Variants in PPP2R1B observed in about 807,000 individuals in gnomAD.
PPP2R1B encodes the protein serine/threonine-protein phosphatase 2A 65 kDa regulatory subunit A beta isoform.
A neutral mutation model predicts 72.7 loss-of-function variants in PPP2R1B; 58 were observed. The ratio of observed to expected loss-of-function variants is 0.80; its 90% confidence interval spans 0.65 to 0.99. The LOEUF (loss-of-function observed/expected upper bound fraction) is 0.99, where lower values mean the gene tolerates loss of function less well. PPP2R1B is among the 50% of genes least tolerant of loss of function. The probability of loss-of-function intolerance (pLI) is 0.00; values close to 1 mark genes in which losing one functional copy is unlikely to be tolerated. For missense variants in PPP2R1B, 695 were observed against 733.6 expected, an observed-to-expected ratio of 0.95 and a Z score of 0.61; for synonymous variants, 256 against 264.6, an observed-to-expected ratio of 0.97 and a Z score of 0.32.
At chr11:111,756,393 A>C (rs976212125) in intron 5 of PPP2R1B, among the ~76,000 whole-genome samples, 3 of 152,254 alleles carry the variant, frequency 2.0e-5, no homozygotes, top group Admixed American at 6.5e-5. Context: ...AAAGAAAAAA[A>C]AAACATTTTA....
chr11:111,747,495 T>C (rs992941103), intron 11 of PPP2R1B, among the ~76,000 whole-genome samples: 3 of 152,196 alleles, frequency 2.0e-5, no homozygotes, highest in Non-Finnish European at 2.9e-5. Context: ...TTCCCACACC[T>C]AAGAATCCTC....
rs919351159 is a variant in PPP2R1B at position 111,741,135 on chromosome 11, C to T, written c.*461G>A. 1.1e-4 allele frequency: 113 copies of T among 988,534 alleles called. No individual in the cohort carries two copies. The highest frequency in any genetic ancestry group is 1.6e-4 in the African/African-American group (9 of 57,250). The allele number at this position is 988,534 out of a possible 1,614,324, so 61.2% of individuals were successfully genotyped here. On this transcript the variant is annotated 3_prime_UTR_variant, in exon 15 of 15. Coordinates refer to ENST00000527614, the MANE Select transcript of PPP2R1B (RefSeq NM_002716.5). ...TACGGTCAAATCTCAACATGTCTCC[C>T]GAAGAGTTTATAAAATAAGTTATTC...
the PPP2R1B span, chr11:111,703,276 G>A: frequency 2.5e-6 from 4 of 1,614,186 alleles, no homozygotes; most frequent in South Asian, 3.3e-5. Context: ...AAATCAAGGA[G>A]CATAAATGGA....
chr11:111,737,995 G>A lies in PPP2R1B; in HGVS notation c.*3601C>T, dbSNP rs1030837367. The stretch of plus-strand genomic sequence containing the variant: ...CGGAAGATTTCCATCCCAACTGAAC[G>A]TTATGTAATTTCCTGGAAACAGCAG... On this transcript the variant is annotated 3_prime_UTR_variant, in exon 15 of 15. Coordinates refer to ENST00000527614, the MANE Select transcript of PPP2R1B (RefSeq NM_002716.5). 7.9e-6 allele frequency: 8 copies of A among 1,010,862 alleles called. No individual in the cohort carries two copies. Among genetic ancestry groups the A allele is most frequent in the African/African-American group, 6.8e-5 (4 of 58,560 alleles). 62.6% of individuals were successfully genotyped at this position (1,010,862 alleles called of 1,614,324 possible).
At chr11:111,755,133 A>G (rs1555049208) in intron 6 of PPP2R1B, 39 bp from the exon 7 acceptor site, 2 of 1,561,088 alleles carry the variant, frequency 1.3e-6, no homozygotes, top group South Asian at 2.3e-5. Context: ...GTATACTAAC[A>G]AAAGAATTAA....
downstream of PPP2R1B, chr11:111,723,896 G>A (rs374141003): frequency 1.9e-6 from 3 of 1,613,302 alleles, no homozygotes; most frequent in Middle Eastern, 1.6e-4. Flanking sequence ...TCAGACTTGT[G>A]AGCTGCCAAG....
the PPP2R1B span, among the ~76,000 whole-genome samples, chr11:111,715,251 A>G: frequency 1.3e-5 from 2 of 152,320 alleles, no homozygotes; most frequent in Non-Finnish European, 2.9e-5. Context: ...ATGTCAGCAA[A>G]AACGCTTGTC....
downstream of PPP2R1B, among the ~76,000 whole-genome samples, chr11:111,733,087 T>C (rs957132973): frequency 6.6e-6 from 1 of 152,232 alleles, no homozygotes; most frequent in Admixed American, 6.5e-5. Context: ...CCCCCAGGTA[T>C]GAAGCTGTGC....
At chr11:111,723,385 T>C, downstream of PPP2R1B, 5 of 1,204,750 alleles carry the variant, frequency 4.2e-6, no homozygotes, top group Non-Finnish European at 5.8e-6. Context: ...TTTGCTGACA[T>C]GAGAGAGACT....
chr11:111,743,536 G>A lies in PPP2R1B; in HGVS notation c.1400-6C>T. 6.2e-7 allele frequency: 1 copy of A among 1,600,140 alleles called. No individual in the cohort carries two copies. Among genetic ancestry groups the A allele is most frequent in the Admixed American group, 1.8e-5 (1 of 55,066 alleles). On this transcript the variant is annotated splice_region_variant and splice_polypyrimidine_tract_variant and intron_variant, in intron 11 of 14. Coordinates refer to ENST00000527614, the MANE Select transcript of PPP2R1B (RefSeq NM_002716.5). ...AGCTTCTCGGATGGCGTATACTGCAGAAGAGGTCAAAAACATGTTCTCATA... is the reference window on the plus strand; with the variant it reads ...AGCTTCTCGGATGGCGTATACTGCAAAAGAGGTCAAAAACATGTTCTCATA...
the PPP2R1B span, among the ~76,000 whole-genome samples, chr11:111,703,700 GT>G: frequency 2.0e-5 from 3 of 152,192 alleles, no homozygotes; most frequent in African/African-American, 7.2e-5. Flanking sequence ...AAGGTAGAAA[GT>G]TTCTTCCAAG....
At chr11:111,697,100 A>G in the PPP2R1B span, among the ~76,000 whole-genome samples, 5 of 152,238 alleles carry the variant, frequency 3.3e-5, no homozygotes, top group Non-Finnish European at 5.9e-5. Flanking sequence ...GTGGTTAACA[A>G]TGAAGGCTCG....
In PPP2R1B at chr11:111,743,518, C is replaced by A; in HGVS notation, c.1412G>T (p.Arg471Leu). The part of the protein sequence containing the change: ...AWLVDHVYAI[R>L]EAATNNLMKL... ...CATGAGGTTGTTGGTGGCAGCTTCT[C>A]GGATGGCGTATACTGCAGAAGAGGT... Residue 471 changes from arginine (R) to leucine (L), a missense_variant, in exon 12 of 15, where the codon CGA (arginine) becomes CTA (leucine). Arg to Leu is a moderately radical substitution (Grantham distance 102). Coordinates refer to ENST00000527614, the MANE Select transcript of PPP2R1B (RefSeq NM_002716.5). 6.2e-7 allele frequency: 1 copy of A among 1,613,430 alleles called. No homozygotes were observed. The highest frequency in any genetic ancestry group is 8.5e-7 in the Non-Finnish European group (1 of 1,179,830).
At chr11:111,723,861 C>G (rs1222444354), downstream of PPP2R1B, 3 of 1,613,340 alleles carry the variant, frequency 1.9e-6, no homozygotes, top group Non-Finnish European at 8.5e-7. Context: ...CCAGGAGCTG[C>G]CCCAGCCCCC....
intron 15 of PPP2R1B, chr11:111,727,115 C>T (rs781577952): frequency 2.5e-4 from 366 of 1,476,750 alleles, no homozygotes; most frequent in East Asian, 6.1e-4. Flanking sequence ...TTCACATTCC[C>T]GGTGACACTG....
At chr11:111,702,174 G>GTTAC in the PPP2R1B span, among the ~76,000 whole-genome samples, 7 of 152,168 alleles carry the variant, frequency 4.6e-5, no homozygotes, top group Non-Finnish European at 8.8e-5. Flanking sequence ...GAGTCCACTG[G>GTTAC]TTACTGGCCA....
chr11:111,722,761 G>C, downstream of PPP2R1B: 1 of 1,612,954 alleles, frequency 6.2e-7, no homozygotes, highest in Non-Finnish European at 8.5e-7. The surrounding 1 kb of genome is among the most constrained non-coding windows in gnomAD (Gnocchi z 4.4). Context: ...ACATAGGTGA[G>C]AAGGGGACTT....
At chr11:111,712,271 G>A in the PPP2R1B span, 1 of 1,614,178 alleles carries the variant, frequency 6.2e-7, no homozygotes, top group South Asian at 1.1e-5. Flanking sequence ...GCTGCGATCT[G>A]CCCTCCTCCC....
chr11:111,742,937 T>C (rs975916921), intron 12 of PPP2R1B, among the ~76,000 whole-genome samples: 12 of 151,916 alleles, frequency 7.9e-5, no homozygotes, highest in African/African-American at 2.9e-4. Flanking sequence ...TGGAGTGTAG[T>C]GGCGCGATCT....
Sources: allele counts gnomAD v4.1 joint callset (sites outside exome capture counted in the v4.1 genomes callset), GRCh38; gene constraint gnomAD v4.1.1; non-coding constraint Gnocchi (gnomAD v3.1); transcripts MANE v1.5; gene names NCBI Gene and HGNC (gene_info 2026-07-23, HGNC 2026-07-21).